Variants in KLRC1 observed in about 807,000 individuals in gnomAD.
The protein encoded by KLRC1 is killer cell lectin like receptor C1.
KLRC1 carries 22 observed loss-of-function variants against 25.9 expected under a neutral mutation model. The ratio of observed to expected loss-of-function variants is 0.85; its 90% CI spans 0.61 to 1.21. The LOEUF (loss-of-function observed/expected upper bound fraction) is 1.21. KLRC1 is among the 50% of genes most tolerant of loss of function. The pLI, the probability that KLRC1 is intolerant of heterozygous loss-of-function variation, is 0.00. For synonymous variants in KLRC1, 77 were observed against 93.1 expected (o/e 0.83, Z 0.99); for missense variants, 240 against 272.2 (o/e 0.88, Z 0.83).
intron 4 of KLRC1, 64 bp from the exon 5 acceptor site, chr12:10,449,452 C>T: frequency 1.1e-5 from 18 of 1,588,718 alleles, no homozygotes; most frequent in South Asian, 2.3e-5. Context: ...AATTAGTTCA[C>T]ATATTTGCAA....
chr12:10,447,767 CCGT>C, intron 5 of KLRC1, 135 bp from the exon 6 acceptor site: 1 of 711,718 alleles, frequency 1.4e-6, no homozygotes, highest in African/African-American at 1.8e-5. Context: ...ATAAATGAAC[CCGT>C]CAATGTTTAT....
chr12:10,452,013 T>C (rs1864136828), intron 1 of KLRC1, among the ~76,000 whole-genome samples: 2 of 151,848 alleles, frequency 1.3e-5, no homozygotes, highest in South Asian at 2.1e-4. Flanking sequence ...GCTGAAATGT[T>C]CTAAGAAATT....
chr12:10,444,034 ATGGGTGAAATAAATTATCAAAATGAATGG>A (rs1863943597), downstream of KLRC1, among the ~76,000 whole-genome samples: 3 of 134,900 alleles, frequency 2.2e-5, no homozygotes, highest in South Asian at 7.0e-4. Flanking sequence ...CAAATAACAT[ATGGGTGAAATAAATTATCAAAATGAATGG>A]TCACAATTTT....
chr12:10,453,444 T>C (rs1377458361), upstream of KLRC1: 1 of 785,614 alleles, frequency 1.3e-6, no homozygotes, highest in Non-Finnish European at 1.5e-6. Flanking sequence ...TGGGCTATTG[T>C]GAAATCAGTT....
intron 4 of KLRC1, 123 bp from the exon 5 acceptor site, chr12:10,449,511 G>A: frequency 3.4e-6 from 5 of 1,476,636 alleles, no homozygotes; most frequent in Non-Finnish European, 4.5e-6. Context: ...TTCATGGGCT[G>A]GTAAATATAT....
At chr12:10,445,894 A>G (rs1863975039), downstream of KLRC1, 1 of 152,162 alleles carries the variant, frequency 6.6e-6, no homozygotes, top group Non-Finnish European at 1.5e-5. Flanking sequence ...AATACAATAG[A>G]GAGAAATTAA....
chr12:10,443,871 G>A (rs141573159), downstream of KLRC1, among the ~76,000 whole-genome samples: 9,510 of 137,098 alleles, frequency 0.069, 2,225 homozygotes, highest in African/African-American at 0.26. Context: ...AACATATAAA[G>A]CCAGTTTCTC....
downstream of KLRC1, among the ~76,000 whole-genome samples, chr12:10,443,831 T>C (rs187287577): frequency 0.039 from 5,395 of 139,672 alleles, 1,039 homozygotes; most frequent in African/African-American, 0.14. Context: ...ATAGCTATTC[T>C]AATTCAACAT....
intron 5 of KLRC1, among the ~76,000 whole-genome samples, chr12:10,448,404 G>A (rs900410970): frequency 2.6e-5 from 4 of 152,256 alleles, no homozygotes; most frequent in South Asian, 4.1e-4. Flanking sequence ...AGTCCCCTCC[G>A]CAACAACAGG....
intron 5 of KLRC1, among the ~76,000 whole-genome samples, chr12:10,448,551 T>G: frequency 6.6e-6 from 1 of 152,152 alleles, no homozygotes; most frequent in Non-Finnish European, 1.5e-5. Context: ...ACCCAATGAC[T>G]ACCAGTGCAC....
At chr12:10,447,222 CT>C (rs970868982) in intron 6 of KLRC1, 48 of 210,590 alleles carry the variant, frequency 2.3e-4, no homozygotes, top group Non-Finnish European at 3.1e-4. Flanking sequence ...TTTTTTTTTT[CT>C]TTTTTTTGCT....
chr12:10,453,126 TC>T (rs1271651927), intron 1 of KLRC1, 71 bp downstream of exon 1: 1 of 573,060 alleles, frequency 1.7e-6, no homozygotes, highest in Non-Finnish European at 2.2e-6. Context: ...CTCCTTTGTA[TC>T]ATATTGAGCA....
At chr12:10,449,992 T>TA (rs767418401) in intron 3 of KLRC1, 25 bp from the exon 4 acceptor site, 234 of 1,421,192 alleles carry the variant, frequency 1.6e-4, no homozygotes, top group Non-Finnish European at 2.0e-4. Context: ...GTAATCTTTG[T>TA]AAAAAAATTA....
Position 10,453,267 on chromosome 12 carries a change from T to G in KLRC1, c.-101A>C, listed in dbSNP as rs758629377. 1 of 985,202 alleles carries G rather than the reference T, an allele frequency of 1.0e-6. No individual in the cohort carries two copies. Among genetic ancestry groups the G allele is most frequent in the South Asian group, 4.7e-5 (1 of 21,288 alleles). 61.0% of individuals were successfully genotyped at this position (985,202 alleles called of 1,614,324 possible). On this transcript the variant is annotated 5_prime_UTR_variant, in exon 1 of 7. Transcript: ENST00000359151. ...GTTAGTCTCATAAAAAGGCCTGCTA[T>G]AGCTGTGTAATAAAAGGTGAAATTT...
chr12:10,446,745 A>G (rs1863994196), intron 6 of KLRC1, 83 bp from the exon 7 acceptor site: 2 of 1,491,934 alleles, frequency 1.3e-6, no homozygotes. Flanking sequence ...TACTGTAAGA[A>G]AATAATTTCA....
rs765061410 is a variant in KLRC1 at position 10,450,990 on chromosome 12, T to C, written c.167A>G (p.Asp56Gly). The change falls in exon 2 of 7, where the codon GAC (aspartate) becomes GGC (glycine). Residue 56 changes from aspartate to glycine, a missense_variant. Asp to Gly is a moderately conservative substitution (Grantham distance 94). Coordinates refer to ENST00000359151, the MANE Select transcript of KLRC1 (RefSeq NM_002259.5). ...TTTACCTTTGCAGTGATAGGTTTTGTCATTCCCTTGAAAATCCTGAGAAGC... is the reference window on the plus strand; with the variant it reads ...TTTACCTTTGCAGTGATAGGTTTTGCCATTCCCTTGAAAATCCTGAGAAGC... Reference protein sequence around the residue: ...QKASQDFQGNDKTYHCKDLPS... With the variant: ...QKASQDFQGNGKTYHCKDLPS... The C allele has an allele frequency of 1.2e-6, 2 of 1,612,482 alleles. No homozygotes were observed. Among genetic ancestry groups the C allele is most frequent in the African/African-American group, 1.3e-5 (1 of 74,840 alleles).
Position 10,447,743 on chromosome 12 carries a change from T to C in KLRC1, c.490-111A>G, listed in dbSNP as rs1291460371. The C allele has an allele frequency of 6.0e-6, 5 of 834,644 alleles. No homozygotes were observed. In the East Asian group the frequency reaches 1.1e-4, roughly 18 times the overall value. 51.7% of individuals were successfully genotyped at this position (834,644 alleles called of 1,614,324 possible). ...GCAGTGCCAAAAACTTTCATAAATGTTTATAATTTTGATATAAATGAACCC... is the reference window on the plus strand; with the variant it reads ...GCAGTGCCAAAAACTTTCATAAATGCTTATAATTTTGATATAAATGAACCC... On this transcript the variant is annotated intron_variant, in intron 5 of 6. Coordinates refer to ENST00000359151, the MANE Select transcript of KLRC1 (RefSeq NM_002259.5).
In KLRC1 at chr12:10,447,490, T is replaced by TTA. The variant is rs200322769; in HGVS notation, c.590+40_590+41dup. 1,527 of 1,393,378 alleles carry TTA rather than the reference T, an allele frequency of 1.1e-3. 10 individuals carry two copies. In the African/African-American group the frequency reaches 0.019, roughly 17 times the overall value. 86.3% of individuals were successfully genotyped at this position (1,393,378 alleles called of 1,614,324 possible). A position where few individuals can be genotyped will look rare whatever the true frequency, so the allele number is the denominator to read the frequency against. On this transcript the variant is annotated intron_variant, in intron 6 of 6. Coordinates refer to ENST00000359151, the MANE Select transcript of KLRC1 (RefSeq NM_002259.5). ...CATATTATTCTTCTGAATTTATCCT[T>TTA]TATATATATATTGTTATATAGCGCC...
chr12:10,445,188 G>C (rs1447542857), downstream of KLRC1, among the ~76,000 whole-genome samples: 1 of 151,990 alleles, frequency 6.6e-6, no homozygotes, highest in Non-Finnish European at 1.5e-5. Flanking sequence ...AAAGTGCTGG[G>C]ATTACAGACA....
Sources: allele counts gnomAD v4.1 joint callset (sites outside exome capture counted in the v4.1 genomes callset), GRCh38; gene constraint gnomAD v4.1.1; transcripts MANE v1.5; gene names NCBI Gene and HGNC (gene_info 2026-07-23, HGNC 2026-07-21).